Variants in DNMT1 observed in about 807,000 individuals in gnomAD.
DNMT1 encodes DNA methyltransferase 1.
A neutral mutation model predicts 205.3 loss-of-function variants in DNMT1; 24 were observed. The ratio of observed to expected loss-of-function variants is 0.12; its 90% CI spans 0.08 to 0.16. The LOEUF is 0.16. Ranked by LOEUF, DNMT1 falls within the 10% of genes least tolerant of loss-of-function variation. The pLI, the probability that DNMT1 is intolerant of heterozygous loss-of-function variation, is 1.00. For synonymous variants in DNMT1, 817 were observed against 839.8 expected (o/e 0.97, Z 0.47); for missense variants, 1,293 against 2,177.7 (o/e 0.59, Z 8.09).
intron 8 of DNMT1, among the ~76,000 whole-genome samples, chr19:10,173,493 C>CTTT (rs747516765): frequency 7.1e-6 from 1 of 141,540 alleles, no homozygotes; most frequent in Non-Finnish European, 1.6e-5. Context: ...TCTTTTTAAA[C>CTTT]TTTTTTTTTT....
At chr19:10,148,595 G>A (rs1347699036) in intron 27 of DNMT1, among the ~76,000 whole-genome samples, 1 of 151,754 alleles carries the variant, frequency 6.6e-6, no homozygotes, top group Admixed American at 6.6e-5. Context: ...ACATGCAAGA[G>A]CTGGGCACAC....
chr19:10,180,527 A>C lies in DNMT1; in HGVS notation c.268T>G (p.Leu90Val), dbSNP rs779818604. 2 of 1,614,034 alleles carry C rather than the reference A, an allele frequency of 1.2e-6. No individual in the cohort carries two copies. The highest frequency in any genetic ancestry group is 1.7e-6 in the Non-Finnish European group (2 of 1,180,048). The change falls in exon 4 of 41, where the codon TTG becomes GTG. Residue 90 changes from leucine to valine, a missense_variant. This residue lies in a region of DNMT1 where 394 missense variants were observed against 451.6 expected (regional missense o/e 0.87). Transcript: ENST00000359526. ...AKVKSLLNKD[L>V]SLENGAHAYN... The stretch of plus-strand genomic sequence containing the variant: ...GCATGAGCACCGTTCTCCAAGGACA[A>C]ATCTTTATTTAAAAGGGATTTGACT...
chr19:10,152,747 C>T (rs1412093390), intron 22 of DNMT1, among the ~76,000 whole-genome samples: 3 of 151,534 alleles, frequency 2.0e-5, no homozygotes, highest in Admixed American at 1.3e-4. Context: ...GGTGACAGAA[C>T]GAGACCCATC....
chr19:10,154,765 A>T lies in DNMT1; in HGVS notation c.1653T>A (p.Val551=). 1 of 1,614,212 alleles carries T rather than the reference A, an allele frequency of 6.2e-7. No homozygotes were observed. The part of the protein sequence containing the change: ...EDLINKIETT[V]PPSGLNLNRF... ...GGTTCAAGTTGAGGCCAGAAGGAGGAACCGTGGTCTTGAAAGAGAACAGGT... is the reference window on the plus strand; with the variant it reads ...GGTTCAAGTTGAGGCCAGAAGGAGGTACCGTGGTCTTGAAAGAGAACAGGT... Residue 551 remains valine, a synonymous_variant, in exon 21 of 41, where the codon GTT becomes GTA. Transcript: ENST00000359526. This position sits in a 1 kb window ranked among gnomAD's most constrained non-coding sequence, Gnocchi z 6.3.
chr19:10,180,290 C>G, intron 4 of DNMT1, 56 bp from the exon 5 acceptor site: 1 of 1,584,992 alleles, frequency 6.3e-7, no homozygotes. Context: ...CCAGACTGGG[C>G]AACACAGTGA....
At chr19:10,161,635 C>T (rs1189576289) in intron 13 of DNMT1, among the ~76,000 whole-genome samples, 1 of 152,122 alleles carries the variant, frequency 6.6e-6, no homozygotes, top group Non-Finnish European at 1.5e-5. Context: ...AAGAGTGAGA[C>T]CCTGTCTCAA....
At chr19:10,135,349 AACTGAG>A (rs762538935) in intron 39 of DNMT1, 173 of 297,776 alleles carry the variant, frequency 5.8e-4, no homozygotes, top group Non-Finnish European at 7.7e-4. Flanking sequence ...AAATACACTT[AACTGAG>A]ACTAACTCAT....
chr19:10,167,404 C>A (rs367907402), intron 10 of DNMT1, among the ~76,000 whole-genome samples: 2 of 152,082 alleles, frequency 1.3e-5, no homozygotes, highest in East Asian at 1.9e-4. Flanking sequence ...ACCATGTTGG[C>A]CAGGCTGATC....
At position 10,154,546 on chromosome 19, in the gene DNMT1, C is replaced by G. The variant is rs74671219; in HGVS notation, c.1832+40G>C. The G allele has an allele frequency of 9.3e-6, 15 of 1,613,776 alleles. No homozygotes were observed. In the East Asian group the frequency reaches 2.7e-4, roughly 29 times the overall value. On this transcript the variant is annotated intron_variant, in intron 21 of 40. Transcript: ENST00000359526. The surrounding 1 kb of genome is among the most constrained non-coding windows in gnomAD (Gnocchi z 6.3). Reference sequence around the variant, plus strand: ...GATGTGGGCCATGCTCTACCCTCCCCGGTCTCCAGTCTTCACTCTGGTCCC... The same window carrying G: ...GATGTGGGCCATGCTCTACCCTCCCGGGTCTCCAGTCTTCACTCTGGTCCC...
chr19:10,134,675 G>A (rs1211413396), intron 39 of DNMT1, among the ~76,000 whole-genome samples: 2 of 152,036 alleles, frequency 1.3e-5, no homozygotes, highest in Non-Finnish European at 2.9e-5. Flanking sequence ...CCAACATGGT[G>A]AAACCCCGTC....
Position 10,136,145 on chromosome 19 carries a change from G to C in DNMT1, c.4632C>G (p.Thr1544=), listed in dbSNP as rs775511244. Residue 1544 remains threonine, a synonymous_variant, in exon 38 of 41, where the codon ACC becomes ACG. Transcript: ENST00000359526. ...CCTGCTTGCCCATGGGCTCGGGGTT[G>C]GTGACGGTTGTGCTGAAGAAGCCGT... ...EWDGFFSTTV[T]NPEPMGKQGR... 1 of 1,614,042 alleles carries C rather than the reference G, an allele frequency of 6.2e-7. No homozygotes were observed.
intron 12 of DNMT1, 34 bp from the exon 13 acceptor site, chr19:10,162,782 C>T (rs2038602103): frequency 1.2e-6 from 2 of 1,608,312 alleles, no homozygotes; most frequent in Non-Finnish European, 1.7e-6. Context: ...CAAGTAGCAG[C>T]TTAGAAACAC....
In DNMT1 at chr19:10,156,316, G is replaced by A; in HGVS notation, c.1399+75C>T. The A allele has an allele frequency of 8.2e-7, 1 of 1,213,038 alleles. No homozygotes were observed. Among genetic ancestry groups the A allele is most frequent in the Non-Finnish European group, 1.2e-6 (1 of 821,230 alleles). 75.1% of individuals were successfully genotyped at this position (1,213,038 alleles called of 1,614,324 possible). ...CTGGCCTCAGACCCCCAAAGTGCTA[G>A]GATTACAGATGTGAGCCACCCTGCC... On this transcript the variant is annotated intron_variant, in intron 18 of 40. Transcript: ENST00000359526. The surrounding 1 kb of genome is among the most constrained non-coding windows in gnomAD (Gnocchi z 4.2).
At position 10,186,602 on chromosome 19, in the gene DNMT1, G is replaced by A. The variant is rs186049192; in HGVS notation, c.81-4525C>T. On this transcript the variant is annotated intron_variant, in intron 1 of 40. Transcript: ENST00000359526. ...GCCTGTAATCCCAGCACTTTGGGAG[G>A]CCGAGGCGGGCGGATCACCTGAGGT... 3.5e-3 allele frequency among the ~76,000 whole-genome samples: 525 copies of A among 152,060 alleles called. 2 individuals are homozygous for A. The highest frequency in any genetic ancestry group is 0.014 in the Middle Eastern group (4 of 294).
chr19:10,180,186 C>A lies in DNMT1; in HGVS notation c.493+1G>T, dbSNP rs975957081. ...AATTAGCTGGGTGTGGTGGCACATACCTCTAATCCCAGTTACTTGGGAGGC... is the reference window on the plus strand; with the variant it reads ...AATTAGCTGGGTGTGGTGGCACATAACTCTAATCCCAGTTACTTGGGAGGC... On this transcript the variant is annotated splice_donor_variant, in intron 5 of 40. Coordinates refer to ENST00000359526, the MANE Select transcript of DNMT1 (RefSeq NM_001130823.3). LOFTEE classifies it high-confidence loss of function. The A allele has an allele frequency of 1.2e-6, 1 of 814,532 alleles. No individual in the cohort carries two copies. The highest frequency in any genetic ancestry group is 1.5e-5 in the South Asian group (1 of 66,702). 50.5% of individuals were successfully genotyped at this position (814,532 alleles called of 1,614,324 possible). A position where few individuals can be genotyped will look rare whatever the true frequency, so the allele number is the denominator to read the frequency against.
At chr19:10,135,487 G>A (rs762148125) in intron 39 of DNMT1, 231 of 542,186 alleles carry the variant, frequency 4.3e-4, no homozygotes, top group East Asian at 1.7e-3. Flanking sequence ...CCTTTAGCGC[G>A]ACGGACTGTC....
At position 10,137,687 on chromosome 19, in the gene DNMT1, AG is replaced by A; in HGVS notation, c.4293+144del. 8.7e-7 allele frequency: 1 copy of A among 1,145,130 alleles called. No individual in the cohort carries two copies. 70.9% of individuals were successfully genotyped at this position (1,145,130 alleles called of 1,614,324 possible). The stretch of plus-strand genomic sequence containing the variant: ...TTCCCATGACCATGCAAGAGAGACC[AG>A]GGGTCACACAAAGGCTGAGGACTCG... On this transcript the variant is annotated intron_variant, in intron 36 of 40. Coordinates refer to ENST00000359526, the MANE Select transcript of DNMT1 (RefSeq NM_001130823.3). This position sits in a 1 kb window ranked among gnomAD's most constrained non-coding sequence, Gnocchi z 6.4.
rs2089549385 is a variant in DNMT1 at position 10,138,955 on chromosome 19, C to T, written c.3949-350G>A. ...GTCGCTTCCCTGATGGCTGTGGTCA[C>T]AAGGACAGAGAACGTGGCTGCAACA... On this transcript the variant is annotated intron_variant, in intron 34 of 40. Coordinates refer to ENST00000359526, the MANE Select transcript of DNMT1 (RefSeq NM_001130823.3). The surrounding 1 kb of genome is among the most constrained non-coding windows in gnomAD (Gnocchi z 4.1). 6.6e-6 allele frequency among the ~76,000 whole-genome samples: 1 copy of T among 152,224 alleles called. No homozygotes were observed. The highest frequency in any genetic ancestry group is 2.4e-5 in the African/African-American group (1 of 41,454).
intron 27 of DNMT1, among the ~76,000 whole-genome samples, chr19:10,148,421 A>G (rs1012096451): frequency 1.3e-5 from 2 of 150,882 alleles, no homozygotes; most frequent in Non-Finnish European, 3.0e-5. Flanking sequence ...GCATGAACCC[A>G]GGAAGCTGAG....
Sources: gnomAD v4.1 joint callset for allele counts (sites outside exome capture counted in the v4.1 genomes callset) on GRCh38, gnomAD v4.1.1 for gene constraint, gnomAD v4.1.1 regional missense constraint, Gnocchi (gnomAD v3.1) non-coding constraint, MANE v1.5 for transcripts, NCBI Gene and HGNC (gene_info 2026-07-23, HGNC 2026-07-21) for gene names.